Variants in KIAA0825 observed in about 807,000 individuals in gnomAD.
The protein encoded by KIAA0825 is KIAA0825, also known as uncharacterized protein KIAA0825.
KIAA0825 carries 119 observed loss-of-function variants against 147.6 expected under a neutral mutation model. The ratio of observed to expected loss-of-function variants is 0.81; its 90% CI spans 0.69 to 0.94. The LOEUF (loss-of-function observed/expected upper bound fraction) is 0.94, where lower values mean the gene tolerates loss of function less well. Ranked by LOEUF, KIAA0825 falls within the 40% of genes least tolerant of loss-of-function variation. The pLI is 0.00. For missense variants in KIAA0825, 1,381 were observed against 1,472.7 expected, an observed-to-expected ratio of 0.94 and a Z score of 1.02; for synonymous variants, 470 against 518.1, an observed-to-expected ratio of 0.91 and a Z score of 1.26.
intron 20 of KIAA0825, among the ~76,000 whole-genome samples, chr5:94,196,057 A>C (rs1160735623): frequency 6.6e-6 from 1 of 152,188 alleles, no homozygotes; most frequent in East Asian, 1.9e-4. Context: ...ATTTCAGCTA[A>C]GTAGCCCTTA....
intron 2 of KIAA0825, among the ~76,000 whole-genome samples, chr5:94,555,347 C>T (rs532096011): frequency 3.3e-5 from 5 of 152,208 alleles, no homozygotes; most frequent in East Asian, 1.9e-4. Flanking sequence ...ATTTTCTCAA[C>T]TCTTATCTAT....
intron 17 of KIAA0825, among the ~76,000 whole-genome samples, chr5:94,393,563 A>G (rs1004404886): frequency 6.6e-6 from 1 of 152,198 alleles, no homozygotes; most frequent in Admixed American, 6.5e-5. Context: ...ATCTAGCTAA[A>G]TGGTATCATG....
chr5:94,188,239 G>C lies in KIAA0825; in HGVS notation c.3711-34115C>G, dbSNP rs898674658. 2.6e-5 allele frequency among the ~76,000 whole-genome samples: 4 copies of C among 152,196 alleles called. No homozygotes were observed. The East Asian group carries it at 7.7e-4, about 29-fold the overall frequency. On this transcript the variant is annotated intron_variant, in intron 20 of 20. Transcript: ENST00000682413. ...ATTCTGTTACAATCGTCTGAATTAAGACAGTACACCAGAAAATAAGACAGA... is the reference window on the plus strand; with the variant it reads ...ATTCTGTTACAATCGTCTGAATTAACACAGTACACCAGAAAATAAGACAGA...
intron 20 of KIAA0825, among the ~76,000 whole-genome samples, chr5:94,208,380 T>G (rs934716971): frequency 6.6e-6 from 1 of 152,212 alleles, no homozygotes; most frequent in Non-Finnish European, 1.5e-5. Flanking sequence ...TTAACTAACA[T>G]CTATTATTCA....
At chr5:94,469,416 C>T (rs1185838508) in intron 10 of KIAA0825, among the ~76,000 whole-genome samples, 1 of 152,190 alleles carries the variant, frequency 6.6e-6, no homozygotes, top group African/African-American at 2.4e-5. Context: ...AAGTGATCTG[C>T]CTGCCTTACC....
At chr5:94,474,168 G>A (rs958330291) in intron 7 of KIAA0825, among the ~76,000 whole-genome samples, 1 of 152,068 alleles carries the variant, frequency 6.6e-6, no homozygotes, top group African/African-American at 2.4e-5. Flanking sequence ...GTTCTATTGT[G>A]GTGGTTGGGG....
chr5:94,214,257 G>T (rs1198495306), intron 20 of KIAA0825, among the ~76,000 whole-genome samples: 1 of 151,948 alleles, frequency 6.6e-6, no homozygotes, highest in South Asian at 2.1e-4. Context: ...TGTGCTGCAT[G>T]GAAAAGAGGA....
intron 4 of KIAA0825, among the ~76,000 whole-genome samples, chr5:94,522,523 T>C (rs1194240397): frequency 6.6e-6 from 1 of 151,680 alleles, no homozygotes; most frequent in Admixed American, 6.6e-5. Context: ...GCTTAAATTT[T>C]GAAAATAACT....
intron 9 of KIAA0825, among the ~76,000 whole-genome samples, chr5:94,470,591 A>G (rs1323811244): frequency 1.3e-5 from 2 of 152,252 alleles, no homozygotes; most frequent in African/African-American, 4.8e-5. Flanking sequence ...AAAATTCTAC[A>G]GAAATATTAA....
chr5:94,197,239 A>G (rs1287465495), intron 20 of KIAA0825, among the ~76,000 whole-genome samples: 1 of 152,044 alleles, frequency 6.6e-6, no homozygotes, highest in African/African-American at 2.4e-5. Flanking sequence ...CATTTTTTTC[A>G]CATGCTTGTT....
At chr5:94,327,455 C>T (rs1780812490) in intron 20 of KIAA0825, among the ~76,000 whole-genome samples, 1 of 151,974 alleles carries the variant, frequency 6.6e-6, no homozygotes, top group South Asian at 2.1e-4. Context: ...ACCGTCTCTA[C>T]AGGTATATTT....
chr5:94,303,191 T>A (rs901619820), intron 20 of KIAA0825, among the ~76,000 whole-genome samples: 8 of 152,030 alleles, frequency 5.3e-5, no homozygotes, highest in Non-Finnish European at 1.2e-4. Context: ...ATTTTCAGCT[T>A]AACATGGAAA....
At chr5:94,546,860 A>G (rs1774503819) in intron 2 of KIAA0825, among the ~76,000 whole-genome samples, 1 of 151,658 alleles carries the variant, frequency 6.6e-6, no homozygotes, top group Non-Finnish European at 1.5e-5. Flanking sequence ...ACCTCACCCA[A>G]TGAACTAAAT....
rs187871237 is a variant in KIAA0825 at position 94,453,123 on chromosome 5, C to A, written c.2247-54G>T. On this transcript the variant is annotated intron_variant, in intron 12 of 20. Transcript: ENST00000682413. The stretch of plus-strand genomic sequence containing the variant: ...ATATACAGGAAGCATTAACTATGAC[C>A]ATTGAAATAACTTTTGATTTTTACT... 6.7e-4 allele frequency: 588 copies of A among 873,198 alleles called. 2 individuals carry two copies. Among genetic ancestry groups the A allele is most frequent in the Non-Finnish European group, 8.7e-4 (506 of 579,404 alleles). The allele number at this position is 873,198 out of a possible 1,614,324, so 54.1% of individuals were successfully genotyped here. A position where few individuals can be genotyped will look rare whatever the true frequency, so the allele number is the denominator to read the frequency against.
intron 20 of KIAA0825, among the ~76,000 whole-genome samples, chr5:94,197,334 T>C (rs1198789520): frequency 6.8e-6 from 1 of 148,106 alleles, no homozygotes; most frequent in East Asian, 1.9e-4. Flanking sequence ...TTTTGCTTGT[T>C]GATTTAAGTT....
At chr5:94,162,086 C>T (rs996706899) in intron 20 of KIAA0825, among the ~76,000 whole-genome samples, 2 of 152,136 alleles carry the variant, frequency 1.3e-5, no homozygotes, top group African/African-American at 4.8e-5. Context: ...GTATGGCTTG[C>T]CCTGCATACA....
In KIAA0825 at chr5:94,537,146, T is replaced by C. The variant is rs773978041; in HGVS notation, c.-1-19A>G. The C allele has an allele frequency of 2.5e-6, 4 of 1,587,682 alleles. No individual in the cohort carries two copies. The highest frequency in any genetic ancestry group is 3.4e-6 in the Non-Finnish European group (4 of 1,166,706). On this transcript the variant is annotated intron_variant, in intron 2 of 20. Coordinates refer to ENST00000682413, the MANE Select transcript of KIAA0825 (RefSeq NM_001145678.3). The stretch of plus-strand genomic sequence containing the variant: ...ATCCATTCTGAGGAGCAAGAATAAA[T>C]AATAAAACATGTCAGTTCCCCCACA...
rs143510686 is a variant in KIAA0825, at chr5:94,199,482, G to C, written c.3711-45358C>G. Among the ~76,000 whole-genome samples, 5 of 152,308 alleles carry C rather than the reference G, an allele frequency of 3.3e-5. No homozygotes were observed. The East Asian group carries it at 9.6e-4, about 29-fold the overall frequency. Reference sequence around the variant, plus strand: ...TGAGGACTGCCAGCAAAAGTGCTCTGATGGGGAAGGGGGGTGTGGGCAAGT... The same window carrying C: ...TGAGGACTGCCAGCAAAAGTGCTCTCATGGGGAAGGGGGGTGTGGGCAAGT... On this transcript the variant is annotated intron_variant, in intron 20 of 20. Coordinates refer to ENST00000682413, the MANE Select transcript of KIAA0825 (RefSeq NM_001145678.3).
chr5:94,594,797 G>T, intron 1 of KIAA0825: 4 of 497,036 alleles, frequency 8.0e-6, no homozygotes, highest in Non-Finnish European at 7.8e-6. Flanking sequence ...CATGATTGTA[G>T]TTTTTATTTA....
Sources: gnomAD v4.1 joint callset for allele counts (sites outside exome capture counted in the v4.1 genomes callset) on GRCh38, gnomAD v4.1.1 for gene constraint, MANE v1.5 for transcripts, NCBI Gene and HGNC (gene_info 2026-07-23, HGNC 2026-07-21) for gene names.